SPICE1: variants seen among roughly 807,000 people sequenced by gnomAD.
SPICE1 encodes spindle and centriole associated protein 1, also known as spindle and centriole-associated protein 1.
In SPICE1, 75 loss-of-function variants were observed where a neutral mutation model predicts 102.7. The ratio of observed to expected loss-of-function variants is 0.73; its 90% CI spans 0.61 to 0.88. The LOEUF (loss-of-function observed/expected upper bound fraction) is 0.88. Ranked by LOEUF, SPICE1 falls within the 40% of genes least tolerant of loss-of-function variation. The probability of loss-of-function intolerance (pLI) is 0.00; values close to 1 mark genes in which losing one functional copy is unlikely to be tolerated. For synonymous variants in SPICE1, 308 were observed against 350.3 expected (o/e 0.88, Z 1.35); for missense variants, 979 against 1,020.1 (o/e 0.96, Z 0.55).
chr3:113,457,208 T>C lies in SPICE1; in HGVS notation c.1585A>G (p.Ile529Val), dbSNP rs758747360. 6.2e-7 allele frequency: 1 copy of C among 1,614,172 alleles called. No homozygotes were observed. Among genetic ancestry groups the C allele is most frequent in the East Asian group, 2.2e-5 (1 of 44,880 alleles). ...GTTAACAACACAGCTGGCTCAAAAA[T>C]ATGTGCTGGAAAATTCTTGGCCAGA... ...MNLAKNFPAH[I>V]FEPAVLLTPP... is the part of the protein sequence containing the mutation. The change falls in exon 13 of 18, where the codon ATT (isoleucine) becomes GTT (valine). Residue 529 changes from isoleucine (I) to valine (V), a missense_variant. Ile to Val is a conservative substitution (Grantham distance 29). Coordinates refer to ENST00000295872, the MANE Select transcript of SPICE1 (RefSeq NM_144718.4).
intron 4 of SPICE1, among the ~76,000 whole-genome samples, chr3:113,495,836 T>C (rs77381529): frequency 0.029 from 4,430 of 152,256 alleles, 113 homozygotes; most frequent in East Asian, 0.1. Context: ...TTTAAAAGCA[T>C]TGACCTATCA....
rs1404356600 is a variant in SPICE1 at position 113,442,973 on chromosome 3, C to T, written c.*2334G>A. 6.6e-6 allele frequency: 1 copy of T among 152,198 alleles called. No individual in the cohort carries two copies. Among genetic ancestry groups the T allele is most frequent in the African/African-American group, 2.4e-5 (1 of 41,448 alleles). 9.4% of individuals were successfully genotyped at this position (152,198 alleles called of 1,614,324 possible). A position where few individuals can be genotyped will look rare whatever the true frequency, so the allele number is the denominator to read the frequency against. ...AGCATGTTTTCTTTCAATCTCTAGACATCTTTTCAGGTGAAATACCTCTAA... is the reference window on the plus strand; with the variant it reads ...AGCATGTTTTCTTTCAATCTCTAGATATCTTTTCAGGTGAAATACCTCTAA... On this transcript the variant is annotated 3_prime_UTR_variant, in exon 18 of 18. Transcript: ENST00000295872.
Position 113,460,574 on chromosome 3 carries a change from T to TA in SPICE1, c.1435+42dup, listed in dbSNP as rs138365350. The TA allele has an allele frequency of 1.2e-3, 1,887 of 1,562,602 alleles. 29 individuals are homozygous for TA. In the African/African-American group the frequency reaches 0.022, roughly 19 times the overall value. On this transcript the variant is annotated intron_variant, in intron 12 of 17. Coordinates refer to ENST00000295872, the MANE Select transcript of SPICE1 (RefSeq NM_144718.4). ...GGTTTGGTTTGTTATCTAAGGCCAT[T>TA]AAGTAGTCTAATGACAGTCTGAGAG...
intron 11 of SPICE1, among the ~76,000 whole-genome samples, chr3:113,464,769 C>T (rs1368150652): frequency 6.6e-6 from 1 of 152,098 alleles, no homozygotes. Flanking sequence ...AAGTATAAAA[C>T]AATTTGATAA....
intron 11 of SPICE1, among the ~76,000 whole-genome samples, chr3:113,465,147 T>C (rs1262818257): frequency 1.3e-5 from 2 of 149,980 alleles, no homozygotes; most frequent in East Asian, 3.9e-4. Context: ...CAATGCAGCA[T>C]GGAAGCAATA....
At position 113,503,523 on chromosome 3, in the gene SPICE1, G is replaced by T. The variant is rs578138414; in HGVS notation, c.100-296C>A. On this transcript the variant is annotated intron_variant, in intron 2 of 17. Coordinates refer to ENST00000295872, the MANE Select transcript of SPICE1 (RefSeq NM_144718.4). ...TACTCAAAATGAATATATGATATAT[G>T]AATAAATGGTAGTATATATTCAAAA... Among the ~76,000 whole-genome samples, 19 of 152,238 alleles carry T rather than the reference G, an allele frequency of 1.2e-4. No individual in the cohort carries two copies. In the South Asian group the frequency reaches 3.5e-3, roughly 28 times the overall value.
At chr3:113,477,535 C>A (rs1019726850) in intron 7 of SPICE1, among the ~76,000 whole-genome samples, 4 of 151,514 alleles carry the variant, frequency 2.6e-5, no homozygotes, top group Non-Finnish European at 2.9e-5. Context: ...TGGAACCAAC[C>A]CAAATGTCCA....
At chr3:113,484,673 C>A (rs1175724127) in intron 7 of SPICE1, among the ~76,000 whole-genome samples, 3 of 152,000 alleles carry the variant, frequency 2.0e-5, no homozygotes, top group Admixed American at 6.6e-5. Flanking sequence ...TCAGTTTCCA[C>A]GTAGTTGTGC....
In SPICE1 at chr3:113,444,301, A is replaced by C. The variant is rs1935462236; in HGVS notation, c.*1006T>G. 1 of 152,240 alleles carries C rather than the reference A, an allele frequency of 6.6e-6. No homozygotes were observed. The highest frequency in any genetic ancestry group is 2.4e-5 in the African/African-American group (1 of 41,428). The allele number at this position is 152,240 out of a possible 1,614,324, so 9.4% of individuals were successfully genotyped here. On this transcript the variant is annotated 3_prime_UTR_variant, in exon 18 of 18. Transcript: ENST00000295872. Reference sequence around the variant, plus strand: ...GATCATTTGAGGTCAGGAGTTCGAGATCAGCCTGGCCAACATGGTGAAACC... The same window carrying C: ...GATCATTTGAGGTCAGGAGTTCGAGCTCAGCCTGGCCAACATGGTGAAACC...
intron 4 of SPICE1, among the ~76,000 whole-genome samples, chr3:113,496,754 G>A (rs149085270): frequency 8.5e-5 from 13 of 152,276 alleles, no homozygotes; most frequent in African/African-American, 3.1e-4. Context: ...TATGTCTAAG[G>A]AGGCTTCTTC....
chr3:113,479,491 A>T (rs1200548055), intron 7 of SPICE1, among the ~76,000 whole-genome samples: 1 of 152,050 alleles, frequency 6.6e-6, no homozygotes, highest in Non-Finnish European at 1.5e-5. Flanking sequence ...GTATATACCC[A>T]GTAATGGGAT....
intron 7 of SPICE1, among the ~76,000 whole-genome samples, chr3:113,477,733 C>T (rs1251002751): frequency 1.5e-5 from 2 of 135,926 alleles, no homozygotes; most frequent in Non-Finnish European, 3.0e-5. Context: ...GGGAACTGAA[C>T]AATGAGAACA....
intron 12 of SPICE1, chr3:113,460,164 T>C (rs1309480030): frequency 2.0e-6 from 2 of 985,320 alleles, no homozygotes; most frequent in African/African-American, 3.5e-5. Flanking sequence ...CTATCACACA[T>C]GAACAAAAGT....
At chr3:113,464,343 A>G (rs1936003728) in intron 11 of SPICE1, among the ~76,000 whole-genome samples, 1 of 151,394 alleles carries the variant, frequency 6.6e-6, no homozygotes, top group Non-Finnish European at 1.5e-5. Flanking sequence ...TGCAGCCTCA[A>G]ACTCCTAGGC....
At position 113,457,176 on chromosome 3, in the gene SPICE1, G is replaced by T; in HGVS notation, c.1617C>A (p.Pro539=). 6.2e-7 allele frequency: 1 copy of T among 1,614,148 alleles called. No individual in the cohort carries two copies. The highest frequency in any genetic ancestry group is 8.5e-7 in the Non-Finnish European group (1 of 1,180,020). ...AGAATTTTAAGTTGCTCTTCTGCCT[G>T]GGTGGTGTTAACAACACAGCTGGCT... ...IFEPAVLLTP[P]RQKSNLKFSP... Residue 539 remains proline (P), a synonymous_variant, in exon 13 of 18, where the codon CCC becomes CCA. Coordinates refer to ENST00000295872, the MANE Select transcript of SPICE1 (RefSeq NM_144718.4).
At chr3:113,482,840 A>G (rs1235874337) in intron 7 of SPICE1, among the ~76,000 whole-genome samples, 1 of 152,192 alleles carries the variant, frequency 6.6e-6, no homozygotes, top group Admixed American at 6.5e-5. Context: ...AGGTAGTGTG[A>G]TGACTCCAGC....
At chr3:113,493,132 A>G (rs760985830) in intron 6 of SPICE1, 74 bp downstream of exon 6, 12 of 1,094,044 alleles carry the variant, frequency 1.1e-5, no homozygotes, top group Admixed American at 5.4e-5. Flanking sequence ...CTTTTAAAAT[A>G]TTTACCACAA....
Position 113,450,525 on chromosome 3 carries a change from G to GGAAAA in SPICE1, c.2143-10_2143-9insTTTTC. On this transcript the variant is annotated splice_polypyrimidine_tract_variant and intron_variant, in intron 14 of 17. Transcript: ENST00000295872. Reference sequence around the variant, plus strand: ...TGTGCTACTGGAAAAGTCTTTGGGAGAAAAAAAAAAAAAGTACAAATTGAA... The same window carrying GGAAAA: ...TGTGCTACTGGAAAAGTCTTTGGGAGGAAAAAAAAAAAAAAAAAGTACAAATTGAA... The GGAAAA allele has an allele frequency of 1.6e-6, 2 of 1,225,026 alleles. No homozygotes were observed. Among genetic ancestry groups the GGAAAA allele is most frequent in the Non-Finnish European group, 2.2e-6 (2 of 913,520 alleles). The allele number at this position is 1,225,026 out of a possible 1,614,324, so 75.9% of individuals were successfully genotyped here.
At chr3:113,471,639 C>A (rs1936201705) in intron 7 of SPICE1, among the ~76,000 whole-genome samples, 1 of 151,950 alleles carries the variant, frequency 6.6e-6, no homozygotes, top group African/African-American at 2.4e-5. Context: ...AAGACAAAAA[C>A]AAAAACGGGA....
Sources: gnomAD v4.1 joint callset for allele counts (sites outside exome capture counted in the v4.1 genomes callset) on GRCh38, gnomAD v4.1.1 for gene constraint, MANE v1.5 for transcripts, NCBI Gene and HGNC (gene_info 2026-07-23, HGNC 2026-07-21) for gene names.